BMPR1A: variants seen among roughly 807,000 people sequenced by gnomAD.
BMPR1A encodes bone morphogenetic protein receptor type 1A, also known as bone morphogenetic protein receptor type-1A.
In BMPR1A, 7 loss-of-function variants were observed where a neutral mutation model predicts 66.0. The observed-to-expected ratio is 0.11, with a 90% CI of 0.06 to 0.20. The LOEUF (loss-of-function observed/expected upper bound fraction) is 0.20, where lower values mean the gene tolerates loss of function less well. Ranked by LOEUF, BMPR1A falls within the 10% of genes least tolerant of loss-of-function variation. The pLI, the probability that BMPR1A is intolerant of heterozygous loss-of-function variation, is 1.00. For missense variants in BMPR1A, 408 were observed against 669.1 expected (o/e 0.61, Z 4.31); for synonymous variants, 200 against 229.7 (o/e 0.87, Z 1.17).
intron 1 of BMPR1A, among the ~76,000 whole-genome samples, chr10:86,829,940 A>G (rs1842245158): frequency 6.7e-6 from 1 of 149,856 alleles, no homozygotes; most frequent in Admixed American, 6.6e-5. Context: ...AAAATTATTC[A>G]GTGACACTTG....
intron 2 of BMPR1A, among the ~76,000 whole-genome samples, chr10:86,846,779 A>G (rs1842490982): frequency 6.6e-6 from 1 of 152,202 alleles, no homozygotes; most frequent in Non-Finnish European, 1.5e-5. Flanking sequence ...TCCTGGTCTC[A>G]GAAATGTCAT....
chr10:86,799,606 A>T (rs1841783107), intron 1 of BMPR1A, among the ~76,000 whole-genome samples: 1 of 150,048 alleles, frequency 6.7e-6, no homozygotes, highest in Non-Finnish European at 1.5e-5. Context: ...AGCTGGAGTG[A>T]AGTGGTGTGA....
At chr10:86,782,265 A>G (rs1841448616) in intron 1 of BMPR1A, among the ~76,000 whole-genome samples, 1 of 152,140 alleles carries the variant, frequency 6.6e-6, no homozygotes, top group Admixed American at 6.5e-5. Context: ...CGTTTTGGCT[A>G]TTGTAGTGAA....
Position 86,838,969 on chromosome 10 carries a change from A to G in BMPR1A, c.-163A>G, listed in dbSNP as rs1289597348. ...ATCAGAAGTACAGTTTTATCTAGCCACATCTTGGAGGTAAGGAAAAGAACA... is the reference window on the plus strand; with the variant it reads ...ATCAGAAGTACAGTTTTATCTAGCCGCATCTTGGAGGTAAGGAAAAGAACA... On this transcript the variant is annotated 5_prime_UTR_variant, in exon 2 of 13. Coordinates refer to ENST00000372037, the MANE Select transcript of BMPR1A (RefSeq NM_004329.3). 1 of 152,216 alleles carries G rather than the reference A, an allele frequency of 6.6e-6. No homozygotes were observed. The highest frequency in any genetic ancestry group is 1.5e-5 in the Non-Finnish European group (1 of 68,044). The allele number at this position is 152,216 out of a possible 1,614,324, so 9.4% of individuals were successfully genotyped here.
chr10:86,870,678 C>T (rs1185671511), intron 2 of BMPR1A, among the ~76,000 whole-genome samples: 1 of 152,112 alleles, frequency 6.6e-6, no homozygotes, highest in Non-Finnish European at 1.5e-5. Context: ...CCCACCTCAG[C>T]CTTCCAAAGT....
chr10:86,930,183 G>C (rs987818271), downstream of BMPR1A: 1 of 152,308 alleles, frequency 6.6e-6, no homozygotes, highest in African/African-American at 2.4e-5. Context: ...CCTCGATGCT[G>C]GGATCCAGAT....
chr10:86,764,690 C>A (rs1217479087), intron 1 of BMPR1A, among the ~76,000 whole-genome samples: 1 of 152,140 alleles, frequency 6.6e-6, no homozygotes, highest in South Asian at 2.1e-4. Context: ...GCCTAAGTCA[C>A]GTAAATATCC....
At chr10:86,879,775 A>G (rs1842963549) in intron 3 of BMPR1A, among the ~76,000 whole-genome samples, 1 of 152,226 alleles carries the variant, frequency 6.6e-6, no homozygotes, top group Admixed American at 6.5e-5. Flanking sequence ...AAAAGCAATT[A>G]TCAGTGCACA....
rs1343022442 is a variant in BMPR1A, at chr10:86,790,181, AAAAAAAAATATATATATATATAT to A, written c.-268+33264_-268+33286del. On this transcript the variant is annotated intron_variant, in intron 1 of 12. Coordinates refer to ENST00000372037, the MANE Select transcript of BMPR1A (RefSeq NM_004329.3). The stretch of plus-strand genomic sequence containing the variant: ...TGTCTCCAAAAAAAAAAAAAAAAAA[AAAAAAAAATATATATATATATAT>A]ATATATATATATATATATATATATA... Among the ~76,000 whole-genome samples, 126 of 42,380 alleles carry A rather than the reference AAAAAAAAATATATATATATATAT, an allele frequency of 3.0e-3. 10 individuals carry two copies. Among genetic ancestry groups the A allele is most frequent in the African/African-American group, 0.017 (121 of 7,038 alleles). 27.8% of individuals were successfully genotyped at this position (42,380 alleles called of 152,430 possible).
chr10:86,855,294 C>T (rs563692706), intron 2 of BMPR1A: 2 of 1,063,002 alleles, frequency 1.9e-6, no homozygotes, highest in East Asian at 5.5e-5. Context: ...CTTCTGTCTT[C>T]CACCCAATCA....
intron 1 of BMPR1A, among the ~76,000 whole-genome samples, chr10:86,790,236 T>TATATATATA (rs1491401663): frequency 1.4e-5 from 1 of 72,346 alleles, no homozygotes; most frequent in Non-Finnish European, 2.8e-5. Context: ...TATATATATA[T>TATATATATA]CAAAACCACA....
chr10:86,780,551 C>T (rs1224331145), intron 1 of BMPR1A, among the ~76,000 whole-genome samples: 1 of 152,130 alleles, frequency 6.6e-6, no homozygotes, highest in African/African-American at 2.4e-5. Context: ...TCTCCTGCCT[C>T]AGCCTCCCGA....
chr10:86,931,278 T>TACACACAC (rs1554892369), downstream of BMPR1A: 13 of 104,664 alleles, frequency 1.2e-4, no homozygotes, highest in East Asian at 5.8e-4. Context: ...TATATATATA[T>TACACACAC]ATACACACAC....
chr10:86,792,063 CTTTT>C (rs35251758), intron 1 of BMPR1A, among the ~76,000 whole-genome samples: 2 of 83,602 alleles, frequency 2.4e-5, no homozygotes, highest in Non-Finnish European at 2.3e-5. Context: ...ACTGTCAGAT[CTTTT>C]TTTTTTTTTT....
At chr10:86,778,625 A>G (rs1002324834) in intron 1 of BMPR1A, among the ~76,000 whole-genome samples, 2 of 152,130 alleles carry the variant, frequency 1.3e-5, no homozygotes, top group African/African-American at 2.4e-5. Flanking sequence ...CCTTCTAGCT[A>G]TTTGAAACTG....
intron 3 of BMPR1A, among the ~76,000 whole-genome samples, chr10:86,888,526 T>A (rs1417538038): frequency 2.0e-5 from 3 of 152,048 alleles, no homozygotes; most frequent in African/African-American, 7.2e-5. Context: ...ATATTCGGTA[T>A]AAGAAAGTGA....
intron 1 of BMPR1A, among the ~76,000 whole-genome samples, chr10:86,791,413 C>T (rs947906158): frequency 2.0e-5 from 3 of 151,996 alleles, no homozygotes; most frequent in African/African-American, 7.2e-5. Flanking sequence ...GGGGTTTCAC[C>T]ATGTTGGCCA....
At chr10:86,904,996 A>G (rs1294867240) in intron 7 of BMPR1A, among the ~76,000 whole-genome samples, 3 of 152,232 alleles carry the variant, frequency 2.0e-5, no homozygotes, top group African/African-American at 7.2e-5. Context: ...AACAAGTCAC[A>G]AGTTGTTCTC....
At chr10:86,900,514 A>T (rs1354093672) in intron 7 of BMPR1A, among the ~76,000 whole-genome samples, 1 of 152,118 alleles carries the variant, frequency 6.6e-6, no homozygotes, top group Non-Finnish European at 1.5e-5. Flanking sequence ...ACAGTTGCCA[A>T]AAAAGAAGAG....
Sources: gnomAD v4.1 joint callset for allele counts (sites outside exome capture counted in the v4.1 genomes callset) on GRCh38, gnomAD v4.1.1 for gene constraint, MANE v1.5 for transcripts, NCBI Gene and HGNC (gene_info 2026-07-23, HGNC 2026-07-21) for gene names.